Variants in MEX3C observed in about 807,000 individuals in gnomAD.
MEX3C encodes the protein mex-3 RNA binding family member C.
Under a neutral mutation model 35.5 loss-of-function variants are expected in MEX3C, and 15 were observed. The ratio of observed to expected loss-of-function variants is 0.42; its 90% CI spans 0.28 to 0.65. MEX3C has a LOEUF of 0.65. Ranked by LOEUF, MEX3C falls within the 30% of genes least tolerant of loss-of-function variation. MEX3C has a pLI of 0.20. For synonymous variants in MEX3C, 390 were observed against 352.8 expected (o/e 1.11, Z -1.18); for missense variants, 711 against 842.8 (o/e 0.84, Z 1.94).
rs1049983239 is a variant in MEX3C at position 51,176,936 on chromosome 18, A to C, written c.1395T>G (p.Ala465=). ...TAAATGGGCTTGTTGGACTAAAGTCAGCCAGCCTATTGCTTCCAAAGTAGG... is the reference window on the plus strand; with the variant it reads ...TAAATGGGCTTGTTGGACTAAAGTCCGCCAGCCTATTGCTTCCAAAGTAGG... The part of the protein sequence containing the change: ...TDSYFGSNRL[A]DFSPTSPFST... Residue 465 remains alanine, a synonymous_variant, in exon 2 of 2, where the codon GCT becomes GCG. Transcript: ENST00000406189. 6.2e-7 allele frequency: 1 copy of C among 1,613,918 alleles called. No homozygotes were observed. Among genetic ancestry groups the C allele is most frequent in the Non-Finnish European group, 8.5e-7 (1 of 1,179,896 alleles).
intron 1 of MEX3C, among the ~76,000 whole-genome samples, chr18:51,190,697 A>T (rs1007513632): frequency 6.9e-6 from 1 of 145,136 alleles, no homozygotes; most frequent in African/African-American, 2.5e-5. Flanking sequence ...AAAATTCTCA[A>T]AGTCAGTTAT....
At chr18:51,191,336 T>C (rs1568234681) in intron 1 of MEX3C, among the ~76,000 whole-genome samples, 1 of 152,200 alleles carries the variant, frequency 6.6e-6, no homozygotes, top group African/African-American at 2.4e-5. Flanking sequence ...TGTGCTATGC[T>C]GTAGTCTTTC....
chr18:51,194,114 T>C (rs181254554), intron 1 of MEX3C: 2 of 152,354 alleles, frequency 1.3e-5, no homozygotes, highest in Non-Finnish European at 2.9e-5. Context: ...TGGGGAAATA[T>C]AATACTGTAA....
intron 1 of MEX3C, among the ~76,000 whole-genome samples, chr18:51,185,692 GAATAGAC>G (rs1430850664): frequency 1.3e-5 from 2 of 152,066 alleles, no homozygotes; most frequent in Non-Finnish European, 2.9e-5. Context: ...CCAGGGCAGC[GAATAGAC>G]ATAAGGTAGG....
intron 1 of MEX3C, among the ~76,000 whole-genome samples, chr18:51,189,269 T>C (rs1389946285): frequency 2.0e-5 from 3 of 152,198 alleles, no homozygotes; most frequent in African/African-American, 4.8e-5. Context: ...ATATGAAATC[T>C]GGTTTACTTT....
At chr18:51,191,631 G>A (rs1912650258) in intron 1 of MEX3C, among the ~76,000 whole-genome samples, 1 of 152,190 alleles carries the variant, frequency 6.6e-6, no homozygotes, top group Non-Finnish European at 1.5e-5. Context: ...AGGTGGACAT[G>A]ATTAAACGGT....
chr18:51,176,856 A>G lies in MEX3C; in HGVS notation c.1475T>C (p.Leu492Pro), dbSNP rs368742708. Reference protein sequence around the residue: ...DTLPSVGSEDLAVDSPAFDSL... With the variant: ...DTLPSVGSEDPAVDSPAFDSL... The stretch of plus-strand genomic sequence containing the variant: ...GTCAAAGGCAGGAGAGTCAACTGCT[A>G]GGTCTTCTGAGCCTACAGATGGTAG... Residue 492 changes from leucine (L) to proline (P), a missense_variant, in exon 2 of 2, where the codon CTA becomes CCA. By Grantham distance (98) the Leu-to-Pro change is moderately conservative (BLOSUM62 -3). Around this residue, in one of 4 missense-constraint regions of MEX3C, gnomAD observed 187 missense variants for 201.7 expected, o/e 0.93. Coordinates refer to ENST00000406189, the MANE Select transcript of MEX3C (RefSeq NM_016626.5). 1 of 1,614,012 alleles carries G rather than the reference A, an allele frequency of 6.2e-7. No homozygotes were observed. The highest frequency in any genetic ancestry group is 8.5e-7 in the Non-Finnish European group (1 of 1,179,882).
intron 1 of MEX3C, among the ~76,000 whole-genome samples, chr18:51,190,695 CAAAG>C (rs1912632900): frequency 7.2e-6 from 1 of 138,632 alleles, no homozygotes. Context: ...TTAAAATTCT[CAAAG>C]TCAGTTATAG....
intron 1 of MEX3C, among the ~76,000 whole-genome samples, chr18:51,186,538 C>A (rs572287413): frequency 6.6e-6 from 1 of 152,104 alleles, no homozygotes; most frequent in African/African-American, 2.4e-5. Context: ...GATGGGGAGA[C>A]AGAAGTCTCT....
rs1240376745 is a variant in MEX3C, at chr18:51,174,577, T to G, written c.*1774A>C. On this transcript the variant is annotated 3_prime_UTR_variant, in exon 2 of 2. Coordinates refer to ENST00000406189, the MANE Select transcript of MEX3C (RefSeq NM_016626.5). Reference sequence around the variant, plus strand: ...CAAGTTAATGGAAACAAGTCTTTATTAAGTAACTTTTAATATCAGAAAAAT... The same window carrying G: ...CAAGTTAATGGAAACAAGTCTTTATGAAGTAACTTTTAATATCAGAAAAAT... The G allele has an allele frequency of 6.6e-6, 1 of 152,598 alleles. No individual in the cohort carries two copies. The highest frequency in any genetic ancestry group is 1.9e-4 in the East Asian group (1 of 5,200). 9.5% of individuals were successfully genotyped at this position (152,598 alleles called of 1,614,324 possible).
In MEX3C at chr18:51,193,142, T is replaced by C. The variant is rs188716713; in HGVS notation, c.754+3425A>G. 5.9e-5 allele frequency: 9 copies of C among 152,328 alleles called. No homozygotes were observed. The East Asian group carries it at 1.7e-3, about 29-fold the overall frequency. The allele number at this position is 152,328 out of a possible 1,614,324, so 9.4% of individuals were successfully genotyped here. ...GAATTTTGTTTTATAATGTGTAATA[T>C]ATTAAGCACACTTACTATTCATACA... On this transcript the variant is annotated intron_variant, in intron 1 of 1. Coordinates refer to ENST00000406189, the MANE Select transcript of MEX3C (RefSeq NM_016626.5).
intron 1 of MEX3C, chr18:51,195,846 T>C (rs377046440): frequency 2.0e-5 from 3 of 152,278 alleles, no homozygotes; most frequent in African/African-American, 7.2e-5. Context: ...CTGAAAACTG[T>C]ATAAACCGAT....
rs1452554244 is a variant in MEX3C, at chr18:51,176,791, CA to C, written c.1539del (p.Phe513LeufsTer18). The C allele has an allele frequency of 6.2e-7, 1 of 1,613,950 alleles. No homozygotes were observed. On this transcript the variant is annotated frameshift_variant, in exon 2 of 2. Coordinates refer to ENST00000406189, the MANE Select transcript of MEX3C (RefSeq NM_016626.5). LOFTEE classifies it high-confidence loss of function. ...PTSAQTIWTP[F>X]EPVNPLSGFG... ...AAGCCAGAGAGTGGGTTAACTGGTTCAAATGGAGTCCAGATAGTTTGAGCAG... is the reference window on the plus strand; with the variant it reads ...AAGCCAGAGAGTGGGTTAACTGGTTCAATGGAGTCCAGATAGTTTGAGCAG...
intron 1 of MEX3C, among the ~76,000 whole-genome samples, chr18:51,182,879 T>G (rs773498861): frequency 2.0e-5 from 3 of 152,226 alleles, no homozygotes; most frequent in Non-Finnish European, 4.4e-5. Flanking sequence ...CAGTGAAATA[T>G]ATAATGGGCT....
chr18:51,181,773 G>A (rs1639554808), intron 1 of MEX3C, among the ~76,000 whole-genome samples: 1 of 152,000 alleles, frequency 6.6e-6, no homozygotes. Flanking sequence ...AGGGAAGGAG[G>A]GAGGCAGTTT....
chr18:51,196,721 C>T lies in MEX3C; in HGVS notation c.600G>A (p.Met200Ile), dbSNP rs777879686. The T allele has an allele frequency of 3.9e-6, 6 of 1,533,458 alleles. No homozygotes were observed. The highest frequency in any genetic ancestry group is 4.0e-5 in the Admixed American group (2 of 49,944). The allele number at this position is 1,533,458 out of a possible 1,614,324, so 95.0% of individuals were successfully genotyped here. A position where few individuals can be genotyped will look rare whatever the true frequency, so the allele number is the denominator to read the frequency against. The change falls in exon 1 of 2, where the codon ATG becomes ATA. Residue 200 changes from methionine (M) to isoleucine (I), a missense_variant. Met to Ile is a conservative substitution (Grantham distance 10). Transcript: ENST00000406189. ...GDDAQGMMAA[M>I]LSHAYGPGGC... ...CGCCGGGGCCGTAGGCGTGGGACAG[C>T]ATCGCCGCCATCATGCCCTGGGCAT...
In MEX3C at chr18:51,176,444, G is replaced by A. The variant is rs545260344; in HGVS notation, c.1887C>T (p.Cys629=). ...ALVPCGHNLF[C]MECANKICEK... The stretch of plus-strand genomic sequence containing the variant: ...CACAGATCTTGTTGGCACATTCCAT[G>A]CAGAAGAGGTTGTGGCCACATGGAA... The change falls in exon 2 of 2, where the codon TGC becomes TGT. Residue 629 remains cysteine, a synonymous_variant. Coordinates refer to ENST00000406189, the MANE Select transcript of MEX3C (RefSeq NM_016626.5). The A allele has an allele frequency of 6.8e-4, 1,099 of 1,614,010 alleles. 21 individuals are homozygous for A. In the South Asian group the frequency reaches 0.012, roughly 17 times the overall value.
chr18:51,197,582 T>TCTC lies in MEX3C; in HGVS notation c.-263_-262insGAG, dbSNP rs1218159968. On this transcript the variant is annotated 5_prime_UTR_variant, in exon 1 of 2. Transcript: ENST00000406189. Reference sequence around the variant, plus strand: ...CGGCGGCGGGGCGGGCTGGTGGAGGTGGCAGCGGCTCCCCTCTCAGTGTTT... The same window carrying TCTC: ...CGGCGGCGGGGCGGGCTGGTGGAGGTCTCGGCAGCGGCTCCCCTCTCAGTGTTT... 2.7e-5 allele frequency among the ~76,000 whole-genome samples: 4 copies of TCTC among 148,346 alleles called. No homozygotes were observed. Among genetic ancestry groups the TCTC allele is most frequent in the African/African-American group, 1.0e-4 (4 of 40,074 alleles).
At chr18:51,180,547 G>A (rs1393112898) in intron 1 of MEX3C, among the ~76,000 whole-genome samples, 10 of 152,186 alleles carry the variant, frequency 6.6e-5, no homozygotes, top group Non-Finnish European at 1.2e-4. Flanking sequence ...GCACCATATC[G>A]GCTCACTGCA....
Sources: allele counts gnomAD v4.1 joint callset (sites outside exome capture counted in the v4.1 genomes callset), GRCh38; gene constraint gnomAD v4.1.1; regional missense constraint gnomAD v4.1.1; transcripts MANE v1.5; gene names NCBI Gene and HGNC (gene_info 2026-07-23, HGNC 2026-07-21).